The following ARID1B variants were observed in gnomAD, a reference collection of about 807,000 sequenced individuals.
ARID1B encodes AT-rich interactive domain-containing protein 1B.
ARID1B carries 30 observed loss-of-function variants against 212.3 expected under a neutral mutation model. The ratio of observed to expected loss-of-function variants is 0.14; its 90% CI spans 0.11 to 0.19. The LOEUF is 0.19. Ranked by LOEUF, ARID1B falls within the 10% of genes least tolerant of loss-of-function variation. ARID1B has a pLI of 1.00. For missense variants in ARID1B, 2,891 were observed against 3,204.0 expected (o/e 0.90, Z 2.36); for synonymous variants, 1,402 against 1,301.7 (o/e 1.08, Z -1.66).
At chr6:157,047,758 C>T (rs1782336105) in intron 4 of ARID1B, among the ~76,000 whole-genome samples, 1 of 152,172 alleles carries the variant, frequency 6.6e-6, no homozygotes, top group South Asian at 2.1e-4. Flanking sequence ...CTCCATGTAT[C>T]TCTGGGGACA....
intron 4 of ARID1B, among the ~76,000 whole-genome samples, chr6:156,993,207 A>G (rs1778371644): frequency 6.6e-6 from 1 of 151,972 alleles, no homozygotes; most frequent in African/African-American, 2.4e-5. Context: ...ATGCCTGGCT[A>G]ATTTTTGTAT....
intron 11 of ARID1B, among the ~76,000 whole-genome samples, chr6:157,178,271 T>TG (rs953098100): frequency 1.3e-5 from 2 of 151,730 alleles, no homozygotes; most frequent in Non-Finnish European, 2.9e-5. Context: ...TAATCACTCA[T>TG]GGAAAAAAAA....
At chr6:157,072,050 G>A (rs1438659833) in intron 4 of ARID1B, 1 of 152,186 alleles carries the variant, frequency 6.6e-6, no homozygotes, top group African/African-American at 2.4e-5. Context: ...ATGCATATGA[G>A]CAGAATTTTT....
intron 2 of ARID1B, among the ~76,000 whole-genome samples, chr6:156,876,882 A>AT (rs372345718): frequency 3.3e-5 from 5 of 151,652 alleles, no homozygotes; most frequent in East Asian, 1.9e-4. Context: ...TTAAATATTA[A>AT]TTTTTTTTGT....
rs572021361 is a variant in ARID1B at position 156,795,489 on chromosome 6, T to G, written c.1791+16018T>G. Among the ~76,000 whole-genome samples, 3 of 152,292 alleles carry G rather than the reference T, an allele frequency of 2.0e-5. No homozygotes were observed. The East Asian group carries it at 5.8e-4, about 29-fold the overall frequency. ...AAAGTTGTCAACCAAACACCAAAATTAGCATATCTAAAAATCATCAAGACG... is the reference window on the plus strand; with the variant it reads ...AAAGTTGTCAACCAAACACCAAAATGAGCATATCTAAAAATCATCAAGACG... On this transcript the variant is annotated intron_variant, in intron 1 of 19. Transcript: ENST00000636930.
chr6:156,847,106 AT>A (rs1172646870), intron 2 of ARID1B, among the ~76,000 whole-genome samples: 2 of 151,462 alleles, frequency 1.3e-5, no homozygotes, highest in East Asian at 3.9e-4. Flanking sequence ...AAACATGAGC[AT>A]TTAATCTGTC....
chr6:156,886,254 G>T (rs1347971000), intron 2 of ARID1B, among the ~76,000 whole-genome samples: 1 of 152,176 alleles, frequency 6.6e-6, no homozygotes, highest in Non-Finnish European at 1.5e-5. Flanking sequence ...GTGCAATGGT[G>T]TGATCTCAGC....
chr6:157,061,132 A>T (rs950715961), intron 4 of ARID1B, among the ~76,000 whole-genome samples: 2 of 152,154 alleles, frequency 1.3e-5, no homozygotes, highest in Admixed American at 6.5e-5. Flanking sequence ...GTCAAAGTTT[A>T]ATTCCTTCTA....
At chr6:157,030,889 G>C (rs939184059) in intron 4 of ARID1B, among the ~76,000 whole-genome samples, 8 of 152,168 alleles carry the variant, frequency 5.3e-5, no homozygotes, top group African/African-American at 1.7e-4. Context: ...GACGGCCGCT[G>C]TACTCAGCAG....
rs567719662 is a variant in ARID1B, at chr6:156,893,045, CT to C, written c.1987-8316del. ...AACTCTTTTTTTTTCTTTTTTCTTCCTTTTTTTTTTTTTTTGAGATGGAGTC... is the reference window on the plus strand; with the variant it reads ...AACTCTTTTTTTTTCTTTTTTCTTCCTTTTTTTTTTTTTTGAGATGGAGTC... On this transcript the variant is annotated intron_variant, in intron 2 of 19. Transcript: ENST00000636930. Among the ~76,000 whole-genome samples, 494 of 85,892 alleles carry C rather than the reference CT, an allele frequency of 5.8e-3. 8 individuals carry two copies. The highest frequency in any genetic ancestry group is 0.017 in the African/African-American group (369 of 21,316). The allele number at this position is 85,892 out of a possible 152,430, so 56.3% of individuals were successfully genotyped here.
rs149537120 is a variant in ARID1B at position 156,903,593 on chromosome 6, A to T, written c.2136+2068A>T. ...ATAGATTTGGAAAGTTTCTCAAAAA[A>T]GTGATAACTTGCATTATAGATATAT... On this transcript the variant is annotated intron_variant, in intron 3 of 19. Transcript: ENST00000636930. Among the ~76,000 whole-genome samples the T allele has an allele frequency of 2.5e-3, 379 of 152,360 alleles. 1 individual carries two copies. The highest frequency in any genetic ancestry group is 4.1e-3 in the Non-Finnish European group (277 of 68,036).
rs761204913 is a variant in ARID1B, at chr6:157,207,715, G to A, written c.6943G>A (p.Val2315Ile). 1.7e-5 allele frequency: 27 copies of A among 1,600,340 alleles called. No individual in the cohort carries two copies. The highest frequency in any genetic ancestry group is 3.3e-5 in the Admixed American group (2 of 59,718). Residue 2315 changes from valine (V) to isoleucine (I), a missense_variant, in exon 20 of 20, where the codon GTA becomes ATA. By Grantham distance (29) the Val-to-Ile change is conservative. Coordinates refer to ENST00000636930, the MANE Select transcript of ARID1B (RefSeq NM_001374828.1). The surrounding 1 kb of genome is among the most constrained non-coding windows in gnomAD (Gnocchi z 8.5). The part of the protein sequence containing the change: ...MQPPPLEPPS[V>I]DMMCRAAKAL... ...GCCCCCGCCCCTGGAACCACCTAGC[G>A]TAGACATGATGTGCAGGGCGGCCAA...
At chr6:157,145,235 G>C (rs760566664) in intron 7 of ARID1B, among the ~76,000 whole-genome samples, 1 of 152,140 alleles carries the variant, frequency 6.6e-6, no homozygotes, top group Non-Finnish European at 1.5e-5. Context: ...TCCCAAGACC[G>C]GTCTGTATCA....
chr6:156,914,154 A>G (rs1042082693), intron 3 of ARID1B, among the ~76,000 whole-genome samples: 2 of 83,824 alleles, frequency 2.4e-5, no homozygotes, highest in African/African-American at 9.7e-5. Context: ...TGCCAGCGCC[A>G]CCCCAGCCTG....
At chr6:156,946,038 A>G (rs1404615562) in intron 4 of ARID1B, among the ~76,000 whole-genome samples, 1 of 152,002 alleles carries the variant, frequency 6.6e-6, no homozygotes, top group Non-Finnish European at 1.5e-5. Context: ...ATATTAGTTA[A>G]TGGACACTAG....
At chr6:157,015,120 T>G (rs981379178) in intron 4 of ARID1B, among the ~76,000 whole-genome samples, 2 of 152,096 alleles carry the variant, frequency 1.3e-5, no homozygotes, top group Non-Finnish European at 2.9e-5. Flanking sequence ...GAGAAAATAT[T>G]TGGGGAGTAA....
At chr6:157,007,425 G>A (rs1266819790) in intron 4 of ARID1B, among the ~76,000 whole-genome samples, 1 of 152,148 alleles carries the variant, frequency 6.6e-6, no homozygotes, top group African/African-American at 2.4e-5. Context: ...TAGGGTCAAC[G>A]ATTTTAGGCA....
At chr6:157,105,756 C>T (rs1310471600) in intron 5 of ARID1B, among the ~76,000 whole-genome samples, 1 of 152,094 alleles carries the variant, frequency 6.6e-6, no homozygotes, top group Admixed American at 6.5e-5. Flanking sequence ...CACGCATCAC[C>T]ATACCTGGCT....
Position 157,133,140 on chromosome 6 carries a change from C to T in ARID1B, c.2694C>T (p.Ile898=). 6.2e-7 allele frequency: 1 copy of T among 1,614,164 alleles called. No individual in the cohort carries two copies. Among genetic ancestry groups the T allele is most frequent in the African/African-American group, 1.3e-5 (1 of 75,036 alleles). The change falls in exon 7 of 20, where the codon ATC becomes ATT. Residue 898 remains isoleucine, a synonymous_variant. Transcript: ENST00000636930. Reference sequence around the variant, plus strand: ...CTGGGGGCCAGATGCATGCTGGAATCAGTAGCTTTCAGCAGAGTAACTCAA... The same window carrying T: ...CTGGGGGCCAGATGCATGCTGGAATTAGTAGCTTTCAGCAGAGTAACTCAA... ...PSPGGQMHAG[I]SSFQQSNSSG...
Sources: allele counts gnomAD v4.1 joint callset (sites outside exome capture counted in the v4.1 genomes callset), GRCh38; gene constraint gnomAD v4.1.1; non-coding constraint Gnocchi (gnomAD v3.1); transcripts MANE v1.5; gene names NCBI Gene and HGNC (gene_info 2026-07-23, HGNC 2026-07-21).